MAPK10: variants seen among roughly 807,000 people sequenced by gnomAD.
MAPK10 encodes the protein mitogen-activated protein kinase 10.
A neutral mutation model predicts 59.3 loss-of-function variants in MAPK10; 25 were observed. That is an observed-to-expected ratio of 0.42 (90% confidence interval 0.31 to 0.59). MAPK10 has a LOEUF of 0.59. MAPK10 is among the 20% of genes least tolerant of loss of function. The pLI is 0.15. For missense variants in MAPK10, 351 were observed against 568.9 expected (o/e 0.62, Z 3.90); for synonymous variants, 190 against 200.5 (o/e 0.95, Z 0.44).
intron 11 of MAPK10, 65 bp from the exon 12 acceptor site, chr4:86,031,496 G>T (rs1237680821): frequency 3.8e-6 from 4 of 1,064,512 alleles, no homozygotes; most frequent in Non-Finnish European, 5.8e-6. Flanking sequence ...CTCTTACAAT[G>T]CACGAGAATA....
intron 2 of MAPK10, among the ~76,000 whole-genome samples, chr4:86,247,382 T>C (rs2093162898): frequency 6.6e-6 from 1 of 152,194 alleles, no homozygotes. Flanking sequence ...CCTGCCCTGA[T>C]CCCAGGTCCT....
At chr4:86,203,401 T>C (rs1183730961) in intron 2 of MAPK10, among the ~76,000 whole-genome samples, 1 of 151,776 alleles carries the variant, frequency 6.6e-6, no homozygotes, top group African/African-American at 2.4e-5. Flanking sequence ...GTATCTGAGA[T>C]GTGTCAACTA....
intron 9 of MAPK10, among the ~76,000 whole-genome samples, chr4:86,068,280 T>C (rs576734335): frequency 1.3e-5 from 2 of 152,296 alleles, no homozygotes; most frequent in South Asian, 4.1e-4. Flanking sequence ...AACTTCTATA[T>C]AAATCATGTG....
chr4:86,110,196 G>C (rs146764737), intron 4 of MAPK10, among the ~76,000 whole-genome samples: 4,722 of 152,274 alleles, frequency 0.031, 115 homozygotes, highest in Middle Eastern at 0.058. Context: ...TCTGATGACA[G>C]TTTCTTTTGC....
chr4:86,165,543 ATTTTTTTTTTTTTTTTTTTTTT>A lies in MAPK10; in HGVS notation c.67-6098_67-6077del, dbSNP rs10525325. On this transcript the variant is annotated intron_variant, in intron 3 of 13. Coordinates refer to ENST00000641462, the MANE Select transcript of MAPK10 (RefSeq NM_138982.4). ...AGGCACATGCCACCACTCCCAGATA[ATTTTTTTTTTTTTTTTTTTTTT>A]TTTTTTTTTTTTTTTTTTAGAGATG... Among the ~76,000 whole-genome samples the A allele has an allele frequency of 9.8e-4, 56 of 57,298 alleles. 1 individual carries two copies. The highest frequency in any genetic ancestry group is 5.1e-3 in the East Asian group (9 of 1,762). The allele number at this position is 57,298 out of a possible 152,430, so 37.6% of individuals were successfully genotyped here.
At chr4:86,127,066 T>C (rs1221028284) in intron 4 of MAPK10, among the ~76,000 whole-genome samples, 1 of 152,042 alleles carries the variant, frequency 6.6e-6, no homozygotes, top group Non-Finnish European at 1.5e-5. Flanking sequence ...AATTAGACTA[T>C]CCCTGCACAT....
intron 2 of MAPK10, among the ~76,000 whole-genome samples, chr4:86,256,116 C>T (rs1030866203): frequency 6.6e-6 from 1 of 152,088 alleles, no homozygotes; most frequent in Non-Finnish European, 1.5e-5. Context: ...ACACCAGAAT[C>T]GAGATATTTC....
intron 1 of MAPK10, among the ~76,000 whole-genome samples, chr4:86,555,319 G>A (rs1479868106): frequency 2.6e-5 from 4 of 152,246 alleles, no homozygotes; most frequent in Non-Finnish European, 5.9e-5. Flanking sequence ...GGTGGCCGGT[G>A]CCTGTAGTCC....
At chr4:86,476,194 C>A (rs1028919213) in intron 1 of MAPK10, among the ~76,000 whole-genome samples, 1 of 152,016 alleles carries the variant, frequency 6.6e-6, no homozygotes, top group Admixed American at 6.6e-5. Flanking sequence ...TCTTTCTAAT[C>A]TTCCTTTTCT....
At chr4:86,344,753 A>C (rs1727131687) in intron 2 of MAPK10, among the ~76,000 whole-genome samples, 1 of 152,148 alleles carries the variant, frequency 6.6e-6, no homozygotes, top group Admixed American at 6.6e-5. Flanking sequence ...CTTCATGTAA[A>C]TGTGTTTATG....
rs938772557 is a variant in MAPK10, at chr4:86,011,893, C to A, written c.*5335G>T. ...CCACTCCTCAACTGTTCAAACACTG[C>A]AAAGTAAACTAATGCAAGTGCAGTG... On this transcript the variant is annotated 3_prime_UTR_variant, in exon 14 of 14. Transcript: ENST00000641462. 2 of 152,180 alleles carry A rather than the reference C, an allele frequency of 1.3e-5. No individual in the cohort carries two copies. The highest frequency in any genetic ancestry group is 4.8e-5 in the African/African-American group (2 of 41,450). 9.4% of individuals were successfully genotyped at this position (152,180 alleles called of 1,614,324 possible). A position where few individuals can be genotyped will look rare whatever the true frequency, so the allele number is the denominator to read the frequency against.
chr4:86,511,959 GATTA>G (rs757828273), intron 1 of MAPK10, among the ~76,000 whole-genome samples: 26 of 150,186 alleles, frequency 1.7e-4, no homozygotes, highest in East Asian at 1.5e-3. Flanking sequence ...AACTAAAGTT[GATTA>G]ATTAATTTTT....
intron 2 of MAPK10, among the ~76,000 whole-genome samples, chr4:86,262,463 T>G (rs1266747233): frequency 1.3e-5 from 2 of 152,170 alleles, no homozygotes; most frequent in African/African-American, 4.8e-5. Flanking sequence ...CTTCAGAGTT[T>G]AGGGCAAAGT....
intron 1 of MAPK10, among the ~76,000 whole-genome samples, chr4:86,520,324 T>G (rs1299755360): frequency 6.6e-6 from 1 of 152,162 alleles, no homozygotes; most frequent in African/African-American, 2.4e-5. Flanking sequence ...TGCTTTTTCT[T>G]TGTCATTGTT....
rs529778107 is a variant in MAPK10, at chr4:86,569,820, G to A, written c.-263+24090C>T. ...CCAAAAGGTAGGTGGGTGAGAGAGG[G>A]GGTGAGGAATGAAATACCACCTGTT... On this transcript the variant is annotated intron_variant, in intron 1 of 4. Coordinates refer to the MAPK10 transcript ENST00000502302. 9.9e-4 allele frequency among the ~76,000 whole-genome samples: 151 copies of A among 152,104 alleles called. 1 individual carries two copies. Among genetic ancestry groups the A allele is most frequent in the Admixed American group, 1.4e-3 (21 of 15,270 alleles).
chr4:86,535,811 C>T (rs72665736), intron 1 of MAPK10, among the ~76,000 whole-genome samples: 34,383 of 152,052 alleles, frequency 0.23, 4,620 homozygotes, highest in Admixed American at 0.3. Flanking sequence ...TACCAAATTC[C>T]CAGGGCTGAA....
chr4:86,195,130 G>A (rs2080983734), intron 2 of MAPK10, among the ~76,000 whole-genome samples: 1 of 152,022 alleles, frequency 6.6e-6, no homozygotes, highest in African/African-American at 2.4e-5. Flanking sequence ...AGTTTTAAGA[G>A]GAAAAGTTAT....
chr4:86,576,618 C>CA (rs554278322), intron 1 of MAPK10, among the ~76,000 whole-genome samples: 6 of 151,868 alleles, frequency 4.0e-5, no homozygotes, highest in African/African-American at 1.4e-4. Context: ...ACTAAAAATA[C>CA]AAAAAATTAG....
intron 1 of MAPK10, among the ~76,000 whole-genome samples, chr4:86,582,172 T>C (rs1412230169): frequency 6.6e-6 from 1 of 151,740 alleles, no homozygotes; most frequent in African/African-American, 2.4e-5. Flanking sequence ...ATAAAACGCA[T>C]TTAGGAAAAC....
Sources: allele counts gnomAD v4.1 joint callset (sites outside exome capture counted in the v4.1 genomes callset), GRCh38; gene constraint gnomAD v4.1.1; transcripts MANE v1.5; gene names NCBI Gene and HGNC (gene_info 2026-07-23, HGNC 2026-07-21).